GRID1: variants seen among roughly 807,000 people sequenced by gnomAD.
GRID1 encodes the protein glutamate ionotropic receptor delta type subunit 1, also known as glutamate receptor ionotropic, delta-1.
A neutral mutation model predicts 98.0 loss-of-function variants in GRID1; 28 were observed. That is an observed-to-expected ratio of 0.29 (90% CI 0.21 to 0.39). The LOEUF is 0.39. GRID1 is among the 10% of genes least tolerant of loss of function. The pLI is 1.00. For synonymous variants in GRID1, 553 were observed against 538.5 expected (o/e 1.03, Z -0.37); for missense variants, 1,111 against 1,340.5 (o/e 0.83, Z 2.67).
intron 5 of GRID1, among the ~76,000 whole-genome samples, chr10:85,912,562 A>C (rs1589296385): frequency 1.3e-5 from 2 of 152,366 alleles, no homozygotes; most frequent in South Asian, 4.1e-4. Flanking sequence ...AGGAAACTGA[A>C]AGGCAGAGCC....
Position 86,291,664 on chromosome 10 carries a change from C to G in GRID1, c.235+72277G>C, listed in dbSNP as rs560370260. Among the ~76,000 whole-genome samples the G allele has an allele frequency of 6.1e-4, 93 of 152,282 alleles. 2 individuals are homozygous for G. In the South Asian group the frequency reaches 0.019, roughly 32 times the overall value. On this transcript the variant is annotated intron_variant, in intron 2 of 15. Transcript: ENST00000327946. ...CTGTTCATCTCAGCTGGTGCAAGATCACACAGCGCTAAGTCTCTGTTTCTG... is the reference window on the plus strand; with the variant it reads ...CTGTTCATCTCAGCTGGTGCAAGATGACACAGCGCTAAGTCTCTGTTTCTG...
intron 4 of GRID1, among the ~76,000 whole-genome samples, chr10:86,121,550 T>C (rs1326289892): frequency 8.9e-6 from 1 of 111,768 alleles, no homozygotes; most frequent in Non-Finnish European, 1.9e-5. Context: ...ATCACCATTA[T>C]CTCACCATCA....
At chr10:85,681,890 T>C (rs1841213396) in intron 12 of GRID1, among the ~76,000 whole-genome samples, 1 of 152,092 alleles carries the variant, frequency 6.6e-6, no homozygotes, top group South Asian at 2.1e-4. Flanking sequence ...GAACCAATGC[T>C]GGGGTACCTC....
At chr10:86,165,765 G>T (rs898132901) in intron 3 of GRID1, among the ~76,000 whole-genome samples, 1 of 152,172 alleles carries the variant, frequency 6.6e-6, no homozygotes, top group African/African-American at 2.4e-5. Context: ...TTCCCAGGAG[G>T]TGCTCAGGGG....
At chr10:85,969,737 G>C (rs1030924969) in intron 4 of GRID1, among the ~76,000 whole-genome samples, 5 of 151,918 alleles carry the variant, frequency 3.3e-5, no homozygotes, top group Non-Finnish European at 7.4e-5. Flanking sequence ...TACGTTGAAA[G>C]AGAAAGAAGG....
chr10:86,081,744 T>C (rs956738328), intron 4 of GRID1, among the ~76,000 whole-genome samples: 11 of 152,290 alleles, frequency 7.2e-5, no homozygotes, highest in African/African-American at 2.6e-4. Context: ...TGCATATTGC[T>C]AAGTGAAAGA....
At chr10:85,964,806 T>C (rs1481549467) in intron 4 of GRID1, among the ~76,000 whole-genome samples, 2 of 152,144 alleles carry the variant, frequency 1.3e-5, no homozygotes, top group Admixed American at 6.5e-5. Context: ...CTCATTAAAC[T>C]AAAGAGCTTC....
At chr10:85,800,563 T>C (rs1259761664) in intron 8 of GRID1, among the ~76,000 whole-genome samples, 1 of 151,954 alleles carries the variant, frequency 6.6e-6, no homozygotes, top group African/African-American at 2.4e-5. Context: ...TTATAGAATA[T>C]AGCAAAAGTG....
intron 3 of GRID1, among the ~76,000 whole-genome samples, chr10:86,148,505 T>C (rs1190335780): frequency 6.6e-6 from 1 of 152,056 alleles, no homozygotes; most frequent in Non-Finnish European, 1.5e-5. Context: ...GGAGGTGAAA[T>C]TTCAATTAGA....
chr10:86,291,838 C>T (rs548501367), intron 2 of GRID1, among the ~76,000 whole-genome samples: 11 of 152,180 alleles, frequency 7.2e-5, no homozygotes, highest in Non-Finnish European at 1.5e-4. Flanking sequence ...AGGTCTGGGG[C>T]GGGGGCAGGT....
chr10:85,828,465 G>A (rs1055387311), intron 8 of GRID1, among the ~76,000 whole-genome samples: 6 of 152,066 alleles, frequency 3.9e-5, no homozygotes, highest in Non-Finnish European at 7.4e-5. Flanking sequence ...GAATGAAACC[G>A]AGATGTGAAA....
intron 2 of GRID1, among the ~76,000 whole-genome samples, chr10:86,332,783 T>A (rs1483724511): frequency 6.6e-6 from 1 of 151,552 alleles, no homozygotes; most frequent in Non-Finnish European, 1.5e-5. Flanking sequence ...CCTCCCTGAC[T>A]CCTCATCTCA....
chr10:86,143,982 C>T (rs991543762), intron 3 of GRID1, among the ~76,000 whole-genome samples: 8 of 152,142 alleles, frequency 5.3e-5, no homozygotes, highest in African/African-American at 1.7e-4. Context: ...TTCTCAATAC[C>T]CAAGCCTGCC....
chr10:85,826,811 G>A (rs915975665), intron 8 of GRID1, among the ~76,000 whole-genome samples: 8 of 152,160 alleles, frequency 5.3e-5, no homozygotes, highest in African/African-American at 7.2e-5. Context: ...GAACAAAGCT[G>A]GGGGCCTGGC....
chr10:86,254,814 G>A (rs1211756314), intron 2 of GRID1, among the ~76,000 whole-genome samples: 1 of 152,242 alleles, frequency 6.6e-6, no homozygotes, highest in Non-Finnish European at 1.5e-5. Flanking sequence ...AAGAGTTCCT[G>A]CAAGCGAACC....
At chr10:86,359,009 T>C (rs780706446) in intron 2 of GRID1, among the ~76,000 whole-genome samples, 1 of 152,102 alleles carries the variant, frequency 6.6e-6, no homozygotes, top group African/African-American at 2.4e-5. Context: ...AGGAAACAAA[T>C]CTTTCCTCCA....
chr10:86,315,958 C>T (rs1185445469), intron 2 of GRID1, among the ~76,000 whole-genome samples: 1 of 152,166 alleles, frequency 6.6e-6, no homozygotes, highest in Non-Finnish European at 1.5e-5. Flanking sequence ...ATTTTTCTAA[C>T]TCCTATCTGT....
intron 4 of GRID1, among the ~76,000 whole-genome samples, chr10:86,136,727 A>G (rs1306294399): frequency 2.6e-5 from 4 of 152,198 alleles, no homozygotes; most frequent in African/African-American, 4.8e-5. Flanking sequence ...GTTGGCCCAA[A>G]GTCCAAATGC....
At chr10:85,777,914 G>T (rs988586714) in intron 8 of GRID1, among the ~76,000 whole-genome samples, 3 of 152,136 alleles carry the variant, frequency 2.0e-5, no homozygotes, top group African/African-American at 7.2e-5. Flanking sequence ...AAACTAGGGG[G>T]ATGATATTGA....
Sources: allele counts gnomAD v4.1 joint callset (sites outside exome capture counted in the v4.1 genomes callset), GRCh38; gene constraint gnomAD v4.1.1; transcripts MANE v1.5; gene names NCBI Gene and HGNC (gene_info 2026-07-23, HGNC 2026-07-21).